The following SGCZ variants were observed in gnomAD, a reference collection of about 807,000 sequenced individuals.
SGCZ encodes zeta-sarcoglycan.
SGCZ carries 40 observed loss-of-function variants against 41.3 expected under a neutral mutation model. The observed-to-expected ratio is 0.97, with a 90% CI of 0.75 to 1.26. The LOEUF (loss-of-function observed/expected upper bound fraction) is 1.26. SGCZ is among the 50% of genes most tolerant of loss of function. The pLI is 0.00. For missense variants in SGCZ, 552 were observed against 369.8 expected (o/e 1.49, Z -4.04); for synonymous variants, 206 against 137.5 (o/e 1.50, Z -3.49).
chr8:14,958,355 T>C (rs1800858678), intron 1 of SGCZ, among the ~76,000 whole-genome samples: 1 of 152,006 alleles, frequency 6.6e-6, no homozygotes, highest in Non-Finnish European at 1.5e-5. Context: ...TGTTGGTCAA[T>C]GGATAAAAGG....
At chr8:15,099,520 T>C (rs1383165947) in intron 1 of SGCZ, among the ~76,000 whole-genome samples, 1 of 152,192 alleles carries the variant, frequency 6.6e-6, no homozygotes, top group African/African-American at 2.4e-5. Flanking sequence ...TGGTGAAATC[T>C]ATGAAACATT....
In SGCZ at chr8:14,698,878, A is replaced by C. The variant is rs189262181; in HGVS notation, c.40-143952T>G. On this transcript the variant is annotated intron_variant, in intron 1 of 7. Transcript: ENST00000382080. ...CATGTCTCCTCATCCACTATGGGGT[A>C]GAAAGGTAGATCAAATATCTGGGTA... Among the ~76,000 whole-genome samples the C allele has an allele frequency of 3.9e-3, 595 of 152,086 alleles. 6 individuals carry two copies. Among genetic ancestry groups the C allele is most frequent in the Non-Finnish European group, 6.6e-3 (450 of 67,902 alleles).
chr8:14,124,929 T>C lies in SGCZ; in HGVS notation c.548-16694A>G, dbSNP rs572053563. Among the ~76,000 whole-genome samples, 3 of 152,216 alleles carry C rather than the reference T, an allele frequency of 2.0e-5. No homozygotes were observed. In the East Asian group the frequency reaches 5.8e-4, roughly 30 times the overall value. ...GCTGACCAAAAGTTCCTTAAACTGA[T>C]AAGCAACTTCAGCAATCTCAGGATA... On this transcript the variant is annotated intron_variant, in intron 5 of 7. Transcript: ENST00000382080.
chr8:14,965,078 G>A (rs1382980453), intron 1 of SGCZ, among the ~76,000 whole-genome samples: 1 of 152,072 alleles, frequency 6.6e-6, no homozygotes, highest in African/African-American at 2.4e-5. Flanking sequence ...CACAAAATAT[G>A]TTTCTTGGGA....
chr8:14,809,499 G>T (rs1184839585), intron 1 of SGCZ, among the ~76,000 whole-genome samples: 1 of 151,974 alleles, frequency 6.6e-6, no homozygotes, highest in African/African-American at 2.4e-5. Context: ...AAACCACTTG[G>T]TATGGTAATA....
intron 2 of SGCZ, among the ~76,000 whole-genome samples, chr8:14,530,077 C>T (rs189524108): frequency 1.4e-4 from 22 of 152,060 alleles, no homozygotes; most frequent in African/African-American, 2.4e-4. Context: ...ATCTGAAAGA[C>T]GCTAAATAAA....
At chr8:14,829,220 T>C (rs183080284) in intron 1 of SGCZ, among the ~76,000 whole-genome samples, 63 of 152,286 alleles carry the variant, frequency 4.1e-4, no homozygotes, top group Non-Finnish European at 7.8e-4. Context: ...TAGGCCCCAG[T>C]GCATATTGTT....
At chr8:15,171,606 A>G (rs547580186) in intron 1 of SGCZ, among the ~76,000 whole-genome samples, 3 of 152,240 alleles carry the variant, frequency 2.0e-5, no homozygotes, top group African/African-American at 7.2e-5. Context: ...CTCTGCAGCC[A>G]TAAAGTTTAT....
intron 1 of SGCZ, among the ~76,000 whole-genome samples, chr8:14,906,049 A>G (rs903852518): frequency 2.6e-5 from 4 of 152,130 alleles, no homozygotes; most frequent in Admixed American, 2.6e-4. Flanking sequence ...AAGGCTTTTC[A>G]AAGATTGATG....
chr8:14,824,736 A>G (rs1217711503), intron 1 of SGCZ, among the ~76,000 whole-genome samples: 3 of 152,132 alleles, frequency 2.0e-5, no homozygotes, highest in Non-Finnish European at 1.5e-5. Context: ...CCTTGAGCTT[A>G]CATTCCCCTG....
intron 6 of SGCZ, among the ~76,000 whole-genome samples, chr8:14,103,882 C>G (rs1721893484): frequency 6.6e-6 from 1 of 152,150 alleles, no homozygotes; most frequent in Non-Finnish European, 1.5e-5. Context: ...GCATTTTACG[C>G]ACAGTATCTA....
chr8:14,768,370 A>C (rs1321396521), intron 1 of SGCZ, among the ~76,000 whole-genome samples: 1 of 152,206 alleles, frequency 6.6e-6, no homozygotes, highest in Non-Finnish European at 1.5e-5. Flanking sequence ...GTTGCGTCCT[A>C]TAGTGATAAT....
intron 4 of SGCZ, among the ~76,000 whole-genome samples, chr8:14,221,367 T>A (rs995020457): frequency 6.6e-6 from 1 of 152,248 alleles, no homozygotes; most frequent in Non-Finnish European, 1.5e-5. Flanking sequence ...AATTATTGGT[T>A]GACACCTATA....
chr8:14,970,724 CAG>C (rs1183129690), intron 1 of SGCZ, among the ~76,000 whole-genome samples: 3 of 152,080 alleles, frequency 2.0e-5, no homozygotes, highest in Non-Finnish European at 2.9e-5. Context: ...GTCTTGATAT[CAG>C]AGAGTCTTAG....
chr8:14,353,635 C>T (rs910735875), intron 2 of SGCZ, among the ~76,000 whole-genome samples: 1 of 152,018 alleles, frequency 6.6e-6, no homozygotes, highest in African/African-American at 2.4e-5. Flanking sequence ...ACGTTCTTAT[C>T]ATCTCTATAA....
intron 5 of SGCZ, among the ~76,000 whole-genome samples, chr8:14,113,188 G>T (rs1667592175): frequency 6.6e-6 from 1 of 152,002 alleles, no homozygotes. Flanking sequence ...CCTGGACACT[G>T]CTTTTGCCCA....
At chr8:14,601,531 A>G (rs1466868708) in intron 1 of SGCZ, among the ~76,000 whole-genome samples, 1 of 152,154 alleles carries the variant, frequency 6.6e-6, no homozygotes, top group African/African-American at 2.4e-5. Flanking sequence ...TATGTGTTTT[A>G]TATGTTCGGA....
At chr8:14,709,947 A>C (rs549854929) in intron 1 of SGCZ, among the ~76,000 whole-genome samples, 2 of 152,338 alleles carry the variant, frequency 1.3e-5, no homozygotes, top group South Asian at 4.1e-4. Flanking sequence ...AAGTCTGTAC[A>C]GCAAAATAAT....
chr8:14,854,229 A>G (rs1173883124), intron 1 of SGCZ, among the ~76,000 whole-genome samples: 1 of 151,492 alleles, frequency 6.6e-6, no homozygotes, highest in African/African-American at 2.4e-5. Flanking sequence ...TGACTTGTAA[A>G]TGTTGGGCTT....
Sources: gnomAD v4.1 joint callset for allele counts (sites outside exome capture counted in the v4.1 genomes callset) on GRCh38, gnomAD v4.1.1 for gene constraint, MANE v1.5 for transcripts, NCBI Gene and HGNC (gene_info 2026-07-23, HGNC 2026-07-21) for gene names.